The following PDE4B variants were observed in gnomAD, a reference collection of about 807,000 sequenced individuals.
PDE4B encodes the protein phosphodiesterase 4B.
In PDE4B, 20 loss-of-function variants were observed where a neutral mutation model predicts 82.2. The observed-to-expected ratio is 0.24, with a 90% CI of 0.17 to 0.35. The LOEUF (loss-of-function observed/expected upper bound fraction) is 0.35, where lower values mean the gene tolerates loss of function less well. Among genes scored for constraint, PDE4B ranks in the 10% least tolerant of loss-of-function variants. The probability of loss-of-function intolerance (pLI) is 1.00; values close to 1 mark genes in which losing one functional copy is unlikely to be tolerated. For missense variants in PDE4B, 655 were observed against 907.2 expected (o/e 0.72, Z 3.57); for synonymous variants, 320 against 318.9 (o/e 1.00, Z -0.04).
At chr1:66,303,082 A>C (rs1262180029) in intron 7 of PDE4B, among the ~76,000 whole-genome samples, 1 of 152,144 alleles carries the variant, frequency 6.6e-6, no homozygotes, top group South Asian at 2.1e-4. Context: ...CACTAAGAAT[A>C]CTTATTCACG....
At chr1:66,361,223 T>G (rs1364951248) in intron 9 of PDE4B, among the ~76,000 whole-genome samples, 1 of 152,198 alleles carries the variant, frequency 6.6e-6, no homozygotes. Context: ...ATCCCTTTAT[T>G]TAAAAATCTA....
At chr1:65,950,237 C>A (rs2100569406) in intron 3 of PDE4B, among the ~76,000 whole-genome samples, 1 of 152,156 alleles carries the variant, frequency 6.6e-6, no homozygotes, top group East Asian at 1.9e-4. Context: ...ATTGTCGCAG[C>A]TATTGCACCG....
At chr1:66,013,659 C>G (rs1249784654) in intron 3 of PDE4B, among the ~76,000 whole-genome samples, 1 of 152,006 alleles carries the variant, frequency 6.6e-6, no homozygotes, top group African/African-American at 2.4e-5. Flanking sequence ...CCTCTAAGCT[C>G]TCAGAAACCA....
intron 3 of PDE4B, among the ~76,000 whole-genome samples, chr1:66,030,483 G>C (rs1243585801): frequency 6.6e-6 from 1 of 152,084 alleles, no homozygotes; most frequent in African/African-American, 2.4e-5. Context: ...CTGTTCTGGG[G>C]CTTCTTTTGG....
rs1663295825 is a variant in PDE4B, at chr1:66,366,915, T to G, written c.1385-781T>G. Among the ~76,000 whole-genome samples the G allele has an allele frequency of 2.6e-5, 4 of 152,354 alleles. No individual in the cohort carries two copies. In the South Asian group the frequency reaches 8.3e-4, roughly 32 times the overall value. On this transcript the variant is annotated intron_variant, in intron 13 of 16. Coordinates refer to ENST00000341517, the MANE Select transcript of PDE4B (RefSeq NM_002600.4). The stretch of plus-strand genomic sequence containing the variant: ...AATGATATATGTGTAACAGAACCTG[T>G]AATTAAGTAACACATTACCACCACT...
At chr1:66,005,787 A>G (rs953754769) in intron 3 of PDE4B, among the ~76,000 whole-genome samples, 1 of 152,192 alleles carries the variant, frequency 6.6e-6, no homozygotes, top group African/African-American at 2.4e-5. Flanking sequence ...GTCTAATATT[A>G]TGAAGGAGCT....
intron 7 of PDE4B, among the ~76,000 whole-genome samples, chr1:66,310,936 C>T (rs368711014): frequency 3.9e-5 from 6 of 152,246 alleles, no homozygotes; most frequent in South Asian, 2.1e-4. Context: ...ATTGAGTGCT[C>T]GATAAATGTA....
intron 3 of PDE4B, among the ~76,000 whole-genome samples, chr1:66,139,729 C>G (rs1176173343): frequency 1.6e-5 from 2 of 128,170 alleles, no homozygotes; most frequent in Non-Finnish European, 3.2e-5. Context: ...ATTCCCCCTC[C>G]CCCCTCAAAA....
chr1:66,354,591 G>A, intron 8 of PDE4B: 1 of 1,316,422 alleles, frequency 7.6e-7, no homozygotes, highest in Non-Finnish European at 9.7e-7. Context: ...GCTCCTTCGT[G>A]CAATTCCTGA....
chr1:66,009,666 A>T (rs1220627664), intron 3 of PDE4B, among the ~76,000 whole-genome samples: 2 of 152,104 alleles, frequency 1.3e-5, no homozygotes, highest in African/African-American at 4.8e-5. Context: ...CTTGTTGTCA[A>T]GAAAAAACTT....
intron 4 of PDE4B, among the ~76,000 whole-genome samples, chr1:66,248,795 A>G (rs1033217138): frequency 2.0e-5 from 3 of 152,244 alleles, no homozygotes; most frequent in African/African-American, 7.2e-5. Context: ...ACACACACAT[A>G]CAAACATAAC....
intron 3 of PDE4B, among the ~76,000 whole-genome samples, chr1:66,157,773 T>C (rs1427239244): frequency 6.6e-6 from 1 of 152,224 alleles, no homozygotes; most frequent in Non-Finnish European, 1.5e-5. Flanking sequence ...AGTGCTATAA[T>C]ATTGTAGGTG....
chr1:66,032,480 C>T (rs950745917), intron 3 of PDE4B, among the ~76,000 whole-genome samples: 2 of 152,096 alleles, frequency 1.3e-5, no homozygotes. Flanking sequence ...AGATGCTGCA[C>T]TGGTGAAAAT....
intron 1 of PDE4B, among the ~76,000 whole-genome samples, chr1:65,903,908 A>G (rs1646999533): frequency 6.6e-6 from 1 of 152,182 alleles, no homozygotes; most frequent in Admixed American, 6.5e-5. Flanking sequence ...TATTTCAGTT[A>G]AGCCAGTAAA....
At chr1:66,198,175 G>T (rs1018792208) in intron 3 of PDE4B, among the ~76,000 whole-genome samples, 1 of 152,078 alleles carries the variant, frequency 6.6e-6, no homozygotes, top group Non-Finnish European at 1.5e-5. Flanking sequence ...CTAATATTCT[G>T]CAAGGCCCCG....
intron 3 of PDE4B, among the ~76,000 whole-genome samples, chr1:65,933,856 A>G (rs1293563940): frequency 6.6e-6 from 1 of 152,202 alleles, no homozygotes; most frequent in Admixed American, 6.5e-5. Context: ...TGGATGAATC[A>G]CTTTTAATTA....
intron 9 of PDE4B, among the ~76,000 whole-genome samples, chr1:66,356,391 C>G (rs921270469): frequency 2.0e-5 from 3 of 152,164 alleles, no homozygotes; most frequent in Non-Finnish European, 4.4e-5. Flanking sequence ...TCTAACGAAC[C>G]TATTTGGACT....
At chr1:66,025,481 A>T (rs530201950) in intron 3 of PDE4B, among the ~76,000 whole-genome samples, 1 of 152,284 alleles carries the variant, frequency 6.6e-6, no homozygotes, top group South Asian at 2.1e-4. Context: ...TTTTCCAGTA[A>T]CACAATGATG....
intron 3 of PDE4B, among the ~76,000 whole-genome samples, chr1:66,030,614 G>C (rs916330728): frequency 6.6e-6 from 1 of 152,010 alleles, no homozygotes; most frequent in African/African-American, 2.4e-5. Context: ...CCACTACTGG[G>C]TATATACCCA....
Sources: allele counts gnomAD v4.1 joint callset (sites outside exome capture counted in the v4.1 genomes callset), GRCh38; gene constraint gnomAD v4.1.1; transcripts MANE v1.5; gene names NCBI Gene and HGNC (gene_info 2026-07-23, HGNC 2026-07-21).